The following PTPN9 variants were observed in gnomAD, a reference collection of about 807,000 sequenced individuals.
PTPN9 encodes the protein tyrosine-protein phosphatase non-receptor type 9.
In PTPN9, 26 loss-of-function variants were observed where a neutral mutation model predicts 69.8. That is an observed-to-expected ratio of 0.37 (90% confidence interval 0.27 to 0.52). The LOEUF (loss-of-function observed/expected upper bound fraction) is 0.52, where lower values mean the gene tolerates loss of function less well. Among genes scored for constraint, PTPN9 ranks in the 20% least tolerant of loss-of-function variants. The probability of loss-of-function intolerance (pLI) is 0.91; values close to 1 mark genes in which losing one functional copy is unlikely to be tolerated. For missense variants in PTPN9, 549 were observed against 740.3 expected (o/e 0.74, Z 3.00); for synonymous variants, 274 against 272.5 (o/e 1.01, Z -0.05).
intron 1 of PTPN9, among the ~76,000 whole-genome samples, chr15:75,576,957 T>TA (rs985592070): frequency 1.3e-5 from 2 of 152,122 alleles, no homozygotes; most frequent in Non-Finnish European, 2.9e-5. Flanking sequence ...GAAATGCTTG[T>TA]AAAAAAATAA....
At chr15:75,503,425 A>C (rs1484420581) in intron 7 of PTPN9, among the ~76,000 whole-genome samples, 1 of 141,412 alleles carries the variant, frequency 7.1e-6, no homozygotes. Context: ...AGAAGTGAGG[A>C]GCCCCTCCGC....
chr15:75,503,515 C>A (rs1179975374), intron 7 of PTPN9, among the ~76,000 whole-genome samples: 1 of 149,222 alleles, frequency 6.7e-6, no homozygotes, highest in East Asian at 2.0e-4. Context: ...AGCGTCTCCG[C>A]CCGGCAGCCG....
intron 1 of PTPN9, among the ~76,000 whole-genome samples, chr15:75,542,412 TC>T (rs1445582606): frequency 6.6e-6 from 1 of 152,120 alleles, no homozygotes; most frequent in East Asian, 1.9e-4. Context: ...ATGGGACTCT[TC>T]CATCTACCAC....
chr15:75,567,995 CAAA>C (rs200988084), intron 1 of PTPN9, among the ~76,000 whole-genome samples: 5 of 96,040 alleles, frequency 5.2e-5, no homozygotes. Flanking sequence ...GACTCCGTCT[CAAA>C]AAAAAAAAAA....
intron 9 of PTPN9, among the ~76,000 whole-genome samples, chr15:75,479,096 C>T (rs530841468): frequency 3.9e-5 from 6 of 152,198 alleles, no homozygotes; most frequent in African/African-American, 1.4e-4. Flanking sequence ...ATCACGAGGT[C>T]AGGAGTTCGA....
At chr15:75,529,840 G>A (rs1595962001) in intron 1 of PTPN9, among the ~76,000 whole-genome samples, 1 of 152,030 alleles carries the variant, frequency 6.6e-6, no homozygotes, top group Non-Finnish European at 1.5e-5. Flanking sequence ...AACCCAGGAT[G>A]TGGAGGTTGC....
At chr15:75,538,059 GAAACA>G (rs748970066) in intron 1 of PTPN9, among the ~76,000 whole-genome samples, 2 of 151,722 alleles carry the variant, frequency 1.3e-5, no homozygotes, top group Non-Finnish European at 2.9e-5. Flanking sequence ...ACTTTGTCTC[GAAACA>G]AAACAAAACA....
At chr15:75,533,898 C>T (rs1195618755) in intron 1 of PTPN9, among the ~76,000 whole-genome samples, 3 of 152,194 alleles carry the variant, frequency 2.0e-5, no homozygotes, top group Non-Finnish European at 4.4e-5. Flanking sequence ...TGCTGGCACT[C>T]TCAGTTCCAC....
chr15:75,556,208 C>T (rs970871666), intron 1 of PTPN9, among the ~76,000 whole-genome samples: 3 of 150,782 alleles, frequency 2.0e-5, no homozygotes, highest in East Asian at 1.9e-4. Context: ...GGATTACAGG[C>T]GCCCACCACC....
chr15:75,463,705 T>C lies in PTPN9; in HGVS notation c.*5064A>G, dbSNP rs983658855. ...AAAACATCTCCAAGTAAAAGTGATA[T>C]ATTTCTATTTGTGGAGAAGATCCTA... On this transcript the variant is annotated 3_prime_UTR_variant, in exon 13 of 13. Transcript: ENST00000618819. The C allele has an allele frequency of 6.6e-6, 1 of 152,216 alleles. No individual in the cohort carries two copies. Among genetic ancestry groups the C allele is most frequent in the Non-Finnish European group, 1.5e-5 (1 of 68,038 alleles). 9.4% of individuals were successfully genotyped at this position (152,216 alleles called of 1,614,324 possible).
intron 7 of PTPN9, among the ~76,000 whole-genome samples, chr15:75,502,036 A>T (rs1408868884): frequency 1.3e-5 from 2 of 152,158 alleles, no homozygotes; most frequent in African/African-American, 4.8e-5. Context: ...ACATACCTGT[A>T]GTCCCAGCTA....
chr15:75,503,351 G>C (rs1247987814), intron 7 of PTPN9, among the ~76,000 whole-genome samples: 2 of 124,744 alleles, frequency 1.6e-5, no homozygotes, highest in Non-Finnish European at 3.3e-5. Context: ...GGTGAGGAGC[G>C]TCTCTGCCCA....
intron 7 of PTPN9, among the ~76,000 whole-genome samples, chr15:75,495,750 AAAC>A (rs1435584428): frequency 6.6e-6 from 1 of 152,058 alleles, no homozygotes; most frequent in East Asian, 1.9e-4. Context: ...CAACAATAAA[AAAC>A]AAAAGAAAAA....
At chr15:75,560,359 A>C (rs2075099160) in intron 1 of PTPN9, among the ~76,000 whole-genome samples, 1 of 152,110 alleles carries the variant, frequency 6.6e-6, no homozygotes, top group South Asian at 2.1e-4. Context: ...TAAGTCCCTA[A>C]CCTAGCCAGA....
Position 75,468,739 on chromosome 15 carries a change from T to G in PTPN9, c.*30A>C. The G allele has an allele frequency of 6.2e-7, 1 of 1,603,260 alleles. No individual in the cohort carries two copies. The highest frequency in any genetic ancestry group is 8.5e-7 in the Non-Finnish European group (1 of 1,173,174). ...GTGTCCAGGGTAGTTTAAGGAAGGC[T>G]GGCCAACAGGTAGGAGGTTCGTAGG... is the stretch of plus-strand genomic sequence containing the variant. On this transcript the variant is annotated 3_prime_UTR_variant, in exon 13 of 13. Transcript: ENST00000618819.
intron 1 of PTPN9, among the ~76,000 whole-genome samples, chr15:75,567,434 G>A (rs1362736836): frequency 6.6e-6 from 1 of 152,154 alleles, no homozygotes; most frequent in Non-Finnish European, 1.5e-5. Context: ...CAAATGCAAA[G>A]GTAAAGATTA....
chr15:75,490,410 C>G lies in PTPN9; in HGVS notation c.969-109G>C, dbSNP rs1050322369. The G allele has an allele frequency of 3.1e-5, 23 of 748,358 alleles. No homozygotes were observed. In the African/African-American group the frequency reaches 4.0e-4, roughly 13 times the overall value. The allele number at this position is 748,358 out of a possible 1,614,324, so 46.4% of individuals were successfully genotyped here. A position where few individuals can be genotyped will look rare whatever the true frequency, so the allele number is the denominator to read the frequency against. On this transcript the variant is annotated intron_variant, in intron 7 of 12. Coordinates refer to ENST00000618819, the MANE Select transcript of PTPN9 (RefSeq NM_002833.4). ...TGTCAATTACTCTTAGGGGTGGAGA[C>G]ATGGAAGCTTTTCAATTTCTAGCCC...
chr15:75,503,615 G>A (rs867376261), intron 7 of PTPN9, among the ~76,000 whole-genome samples: 20 of 127,628 alleles, frequency 1.6e-4, no homozygotes, highest in South Asian at 5.3e-4. Flanking sequence ...CCCCCCGCCC[G>A]GCCAGCCGCC....
intron 5 of PTPN9, chr15:75,513,273 T>C (rs1216201359): frequency 2.2e-6 from 1 of 456,064 alleles, no homozygotes; most frequent in South Asian, 1.5e-5. Context: ...TAAAAGGACC[T>C]TGGACATTTA....
Sources: allele counts gnomAD v4.1 joint callset (sites outside exome capture counted in the v4.1 genomes callset), GRCh38; gene constraint gnomAD v4.1.1; transcripts MANE v1.5; gene names NCBI Gene and HGNC (gene_info 2026-07-23, HGNC 2026-07-21).